GAS2L2: variants seen among roughly 807,000 people sequenced by gnomAD.
GAS2L2 encodes GAS2-like protein 2.
GAS2L2 carries 21 observed loss-of-function variants against 35.2 expected under a neutral mutation model. That is an observed-to-expected ratio of 0.60 (90% confidence interval 0.42 to 0.86). GAS2L2 has a LOEUF of 0.86. GAS2L2 is among the 40% of genes least tolerant of loss of function. The pLI is 0.00. For synonymous variants in GAS2L2, 490 were observed against 473.2 expected, an observed-to-expected ratio of 1.04 and a Z score of -0.46; for missense variants, 1,169 against 1,144.4, an observed-to-expected ratio of 1.02 and a Z score of -0.31.
In GAS2L2 at chr17:35,750,222, A is replaced by G; in HGVS notation, c.482T>C (p.Phe161Ser). ...CACGAGTGTGGGCGCCGCAACACCA[A>G]AGCGCCACGCCCGGCGGCCCAGCTC... ...LLELGRRAWR[F>S]GVAAPTLVQL... Residue 161 changes from phenylalanine (F) to serine (S), a missense_variant, in exon 2 of 6, where the codon TTT (phenylalanine) becomes TCT (serine). By Grantham distance (155) the Phe-to-Ser change is radical. This residue lies in a region of GAS2L2 where 1,035 missense variants were observed against 976.5 expected (regional missense o/e 1.06). Transcript: ENST00000604641. 1.2e-6 allele frequency: 2 copies of G among 1,613,756 alleles called. No individual in the cohort carries two copies. The highest frequency in any genetic ancestry group is 1.7e-6 in the Non-Finnish European group (2 of 1,179,804).
At chr17:35,748,306 A>G (rs890037209) in intron 3 of GAS2L2, among the ~76,000 whole-genome samples, 2 of 152,188 alleles carry the variant, frequency 1.3e-5, no homozygotes, top group Non-Finnish European at 2.9e-5. Context: ...TGGAGAGCCC[A>G]TGGGAGTCCT....
intron 2 of GAS2L2, among the ~76,000 whole-genome samples, chr17:35,749,475 G>C (rs587715358): frequency 6.6e-6 from 1 of 152,316 alleles, no homozygotes; most frequent in South Asian, 2.1e-4. Flanking sequence ...GATCTGACAG[G>C]CTCAGGTCAG....
In GAS2L2 at chr17:35,744,942, A is replaced by C. The variant is rs1473856773; in HGVS notation, c.2555T>G (p.Leu852Trp). ...CTCTGGAGGTTGGGGGCTGCTCTCCAATGGAGCGGCTGGCTCTTTCTCCTC... is the reference window on the plus strand; with the variant it reads ...CTCTGGAGGTTGGGGGCTGCTCTCCCATGGAGCGGCTGGCTCTTTCTCCTC... ...GKEEKEPAAPLESSPQPPEGL... is the reference protein window; with the variant it reads ...GKEEKEPAAPWESSPQPPEGL... The change falls in exon 6 of 6, where the codon TTG (leucine) becomes TGG (tryptophan). Residue 852 changes from leucine (L) to tryptophan (W), a missense_variant. Leu to Trp is a moderately conservative substitution (Grantham distance 61). Coordinates refer to ENST00000604641, the MANE Select transcript of GAS2L2 (RefSeq NM_139285.4). The C allele has an allele frequency of 6.2e-7, 1 of 1,613,908 alleles. No homozygotes were observed. Among genetic ancestry groups the C allele is most frequent in the African/African-American group, 1.3e-5 (1 of 74,928 alleles).
chr17:35,745,117 G>T lies in GAS2L2; in HGVS notation c.2380C>A (p.Arg794=). The change falls in exon 6 of 6, where the codon CGA becomes AGA. Residue 794 remains arginine, a synonymous_variant. Coordinates refer to ENST00000604641, the MANE Select transcript of GAS2L2 (RefSeq NM_139285.4). The stretch of plus-strand genomic sequence containing the variant: ...ACATAGGCCAGTGGCCTGGGGATTC[G>T]TGAAGGCTGCTTCTCAGGCCTGTGG... ...RDHRPEKQPS[R]IPRPLAYVFL... The T allele has an allele frequency of 6.2e-7, 1 of 1,613,342 alleles. No homozygotes were observed. The highest frequency in any genetic ancestry group is 2.2e-5 in the East Asian group (1 of 44,852).
intron 2 of GAS2L2, 79 bp from the exon 3 acceptor site, chr17:35,749,296 AC>A: frequency 1.2e-6 from 1 of 835,614 alleles, no homozygotes; most frequent in Non-Finnish European, 1.9e-6. Context: ...CCCCCAGGTC[AC>A]CCCTGAGGTT....
chr17:35,744,549 G>T lies in GAS2L2; in HGVS notation c.*305C>A. 1 of 342,162 alleles carries T rather than the reference G, an allele frequency of 2.9e-6. No individual in the cohort carries two copies. The highest frequency in any genetic ancestry group is 4.6e-5 in the East Asian group (1 of 21,836). 21.2% of individuals were successfully genotyped at this position (342,162 alleles called of 1,614,324 possible). The stretch of plus-strand genomic sequence containing the variant: ...CACATGCATTTAATAACTTATGGGA[G>T]TTATGGAAACAGGTGGGCATGGCCA... On this transcript the variant is annotated 3_prime_UTR_variant, in exon 6 of 6. Transcript: ENST00000604641.
Position 35,746,137 on chromosome 17 carries a change from C to T in GAS2L2, c.1360G>A (p.Gly454Arg), listed in dbSNP as rs2085666288. 1 of 1,507,794 alleles carries T rather than the reference C, an allele frequency of 6.6e-7. No individual in the cohort carries two copies. Among genetic ancestry groups the T allele is most frequent in the African/African-American group, 1.4e-5 (1 of 71,628 alleles). 93.4% of individuals were successfully genotyped at this position (1,507,794 alleles called of 1,614,324 possible). Residue 454 changes from glycine (G) to arginine (R), a missense_variant, in exon 6 of 6, where the codon GGA (glycine) becomes AGA (arginine). Transcript: ENST00000604641. Reference sequence around the variant, plus strand: ...AAGGAACGAGGCAGGGGAGATGGTCCTCTTGCTGATATCCCTTTGGTGGTG... The same window carrying T: ...AAGGAACGAGGCAGGGGAGATGGTCTTCTTGCTGATATCCCTTTGGTGGTG... The part of the protein sequence containing the change: ...EATTKGISAR[G>R]PSPLPRSFGP...
At chr17:35,749,740 C>A (rs1487049749) in intron 2 of GAS2L2, among the ~76,000 whole-genome samples, 1 of 152,156 alleles carries the variant, frequency 6.6e-6, no homozygotes, top group African/African-American at 2.4e-5. Context: ...AGTCACACAG[C>A]TGCAAAGCAG....
Position 35,749,155 on chromosome 17 carries a change from C to T in GAS2L2, c.690G>A (p.Glu230=). Reference sequence around the variant, plus strand: ...TGGAGTCACCCACACGGTACTTCCCCTCAGACACTTTGACCATGGAGAACT... The same window carrying T: ...TGGAGTCACCCACACGGTACTTCCCTTCAGACACTTTGACCATGGAGAACT... ...PVQFSMVKVS[E]GKYRVGDSNT... Residue 230 remains glutamate, a synonymous_variant, in exon 3 of 6, where the codon GAG becomes GAA. Coordinates refer to ENST00000604641, the MANE Select transcript of GAS2L2 (RefSeq NM_139285.4). The T allele has an allele frequency of 6.2e-7, 1 of 1,614,098 alleles. No individual in the cohort carries two copies. The highest frequency in any genetic ancestry group is 8.5e-7 in the Non-Finnish European group (1 of 1,179,970).
At chr17:35,746,979 A>G (rs369411524) in intron 5 of GAS2L2, 37 bp downstream of exon 5, 5 of 1,511,430 alleles carry the variant, frequency 3.3e-6, no homozygotes, top group Non-Finnish European at 3.5e-6. Context: ...GTGCACTCCA[A>G]AGGAAAAAGA....
Position 35,745,960 on chromosome 17 carries a change from G to A in GAS2L2, c.1537C>T (p.Pro513Ser), listed in dbSNP as rs782732896. ...CCAGGAAAGCTCCTTCCTGGTGTTGGGGGGCGAGCAGGGGGCAGCCGGATG... is the reference window on the plus strand; with the variant it reads ...CCAGGAAAGCTCCTTCCTGGTGTTGAGGGGCGAGCAGGGGGCAGCCGGATG... ...IPIRLPPARP[P>S]TPGRSFPGAT... The change falls in exon 6 of 6, where the codon CCA becomes TCA. Residue 513 changes from proline (P) to serine (S), a missense_variant. Around this residue, in one of 3 missense-constraint regions of GAS2L2, gnomAD observed 1,035 missense variants for 976.5 expected, o/e 1.06. Coordinates refer to ENST00000604641, the MANE Select transcript of GAS2L2 (RefSeq NM_139285.4). 5.6e-6 allele frequency: 9 copies of A among 1,605,900 alleles called. No homozygotes were observed. Among genetic ancestry groups the A allele is most frequent in the African/African-American group, 1.3e-5 (1 of 74,736 alleles).
At chr17:35,751,848 C>CTTTTTTTTTTT (rs587677612) in intron 1 of GAS2L2, among the ~76,000 whole-genome samples, 1 of 99,984 alleles carries the variant, frequency 1.0e-5, no homozygotes, top group African/African-American at 4.9e-5. Flanking sequence ...CTCTCTCTCT[C>CTTTTTTTTTTT]TTTTTTTTTT....
intron 1 of GAS2L2, among the ~76,000 whole-genome samples, chr17:35,751,288 T>C (rs1555599744): frequency 2.6e-5 from 4 of 152,134 alleles, no homozygotes; most frequent in Non-Finnish European, 5.9e-5. Context: ...TCCCTAGTCA[T>C]TCACACACCA....
chr17:35,744,846 C>T lies in GAS2L2; in HGVS notation c.*8G>A, dbSNP rs201497154. 5 of 1,565,428 alleles carry T rather than the reference C, an allele frequency of 3.2e-6. No homozygotes were observed. The highest frequency in any genetic ancestry group is 4.7e-5 in the East Asian group (2 of 42,476). On this transcript the variant is annotated 3_prime_UTR_variant, in exon 6 of 6. Coordinates refer to ENST00000604641, the MANE Select transcript of GAS2L2 (RefSeq NM_139285.4). Reference sequence around the variant, plus strand: ...TTGCTTCCCTCCTACCCAACACGCTCATGTGCCTCAGACCCAGGACTCCTC... The same window carrying T: ...TTGCTTCCCTCCTACCCAACACGCTTATGTGCCTCAGACCCAGGACTCCTC...
intron 5 of GAS2L2, 66 bp from the exon 6 acceptor site, chr17:35,746,477 T>C: frequency 9.0e-7 from 1 of 1,117,116 alleles, no homozygotes; most frequent in Non-Finnish European, 1.2e-6. Flanking sequence ...TCTAGTGTGG[T>C]CCCTGGCTTT....
rs782812177 is a variant in GAS2L2, at chr17:35,750,223, AGCGCCACGCCCG to A, written c.469_480del (p.Arg157_Arg160del). On this transcript the variant is annotated inframe_deletion, in exon 2 of 6. Coordinates refer to ENST00000604641, the MANE Select transcript of GAS2L2 (RefSeq NM_139285.4). ...ACGAGTGTGGGCGCCGCAACACCAA[AGCGCCACGCCCG>A]GCGGCCCAGCTCCAGCAAACACAGC... 1 of 1,613,762 alleles carries A rather than the reference AGCGCCACGCCCG, an allele frequency of 6.2e-7. No homozygotes were observed. The highest frequency in any genetic ancestry group is 1.1e-5 in the South Asian group (1 of 91,044).
intron 5 of GAS2L2, 21 bp downstream of exon 5, chr17:35,746,995 A>C: frequency 6.6e-7 from 1 of 1,522,184 alleles, no homozygotes; most frequent in Non-Finnish European, 8.8e-7. Flanking sequence ...AAAGAGCCCC[A>C]TCCCTGTCTC....
chr17:35,744,809 T>C lies in GAS2L2; in HGVS notation c.*45A>G, dbSNP rs782083168. 1.9e-4 allele frequency: 268 copies of C among 1,408,018 alleles called. No individual in the cohort carries two copies. The highest frequency in any genetic ancestry group is 2.5e-4 in the Non-Finnish European group (252 of 1,028,136). 87.2% of individuals were successfully genotyped at this position (1,408,018 alleles called of 1,614,324 possible). A position where few individuals can be genotyped will look rare whatever the true frequency, so the allele number is the denominator to read the frequency against. ...CGCAGCTGTGAATCCAGTGTATACA[T>C]GGCCATCCTTTTTGCTTCCCTCCTA... On this transcript the variant is annotated 3_prime_UTR_variant, in exon 6 of 6. Coordinates refer to ENST00000604641, the MANE Select transcript of GAS2L2 (RefSeq NM_139285.4).
Position 35,750,069 on chromosome 17 carries a change from C to T in GAS2L2, c.627+8G>A. 6.2e-7 allele frequency: 1 copy of T among 1,603,216 alleles called. No homozygotes were observed. The highest frequency in any genetic ancestry group is 1.1e-5 in the South Asian group (1 of 90,316). On this transcript the variant is annotated splice_region_variant and intron_variant, in intron 2 of 5. Transcript: ENST00000604641. ...GGGGGCCCTGAGGGCGTGTGCAGAG[C>T]CCCTCACCATCTGGTCCAGGTTGCG... is the stretch of plus-strand genomic sequence containing the variant.
Sources: gnomAD v4.1 joint callset for allele counts (sites outside exome capture counted in the v4.1 genomes callset) on GRCh38, gnomAD v4.1.1 for gene constraint, gnomAD v4.1.1 regional missense constraint, MANE v1.5 for transcripts, NCBI Gene and HGNC (gene_info 2026-07-23, HGNC 2026-07-21) for gene names.